Variants in XRCC6 observed in about 807,000 individuals in gnomAD.
The protein encoded by XRCC6 is X-ray repair cross complementing 6.
XRCC6 carries 5 observed loss-of-function variants against 65.7 expected under a neutral mutation model. The observed-to-expected ratio is 0.08, with a 90% CI of 0.04 to 0.16. The LOEUF is 0.16. Ranked by LOEUF, XRCC6 falls within the 10% of genes least tolerant of loss-of-function variation. XRCC6 has a pLI of 1.00. For synonymous variants in XRCC6, 270 were observed against 270.6 expected (o/e 1.00, Z 0.02); for missense variants, 447 against 738.1 (o/e 0.61, Z 4.57).
chr22:41,641,015 G>A (rs1044686726), intron 6 of XRCC6, among the ~76,000 whole-genome samples: 2 of 152,144 alleles, frequency 1.3e-5, no homozygotes, highest in African/African-American at 4.8e-5. Context: ...GGCCGAGGCA[G>A]GAGGATTGCT....
chr22:41,625,082 G>GAA (rs1448133852), intron 2 of XRCC6, among the ~76,000 whole-genome samples: 1 of 152,010 alleles, frequency 6.6e-6, no homozygotes, highest in Admixed American at 6.6e-5. Context: ...AAGGTGGGCA[G>GAA]ATCACCTGAG....
At chr22:41,632,621 G>C (rs2147077272) in intron 3 of XRCC6, among the ~76,000 whole-genome samples, 1 of 151,780 alleles carries the variant, frequency 6.6e-6, no homozygotes, top group Non-Finnish European at 1.5e-5. Context: ...AAGAAAACAA[G>C]AAATAGTTCT....
At chr22:41,621,900 A>G in intron 1 of XRCC6, 90 bp from the exon 2 acceptor site, 1 of 1,302,738 alleles carries the variant, frequency 7.7e-7, no homozygotes. Context: ...CTACTAACCA[A>G]GCTTTTAGAA....
In XRCC6 at chr22:41,662,027, G is replaced by C. The variant is rs374319876; in HGVS notation, c.1636+583G>C. On this transcript the variant is annotated intron_variant, in intron 12 of 12. Coordinates refer to ENST00000360079, the MANE Select transcript of XRCC6 (RefSeq NM_001469.5). The stretch of plus-strand genomic sequence containing the variant: ...GTGGAATCTAAAAATCAAAACAATT[G>C]AACTCATGGAGAGAGAGCATAGAAG... Among the ~76,000 whole-genome samples, 186 of 152,188 alleles carry C rather than the reference G, an allele frequency of 1.2e-3. 1 individual carries two copies. The highest frequency in any genetic ancestry group is 4.2e-3 in the African/African-American group (176 of 41,520).
chr22:41,648,236 CT>C (rs2067956263), intron 7 of XRCC6: 1 of 151,918 alleles, frequency 6.6e-6, no homozygotes, highest in African/African-American at 2.4e-5. Context: ...AGACTTAACT[CT>C]TTGGGACTGT....
chr22:41,645,941 C>T (rs1477346189), intron 6 of XRCC6, among the ~76,000 whole-genome samples: 2 of 151,826 alleles, frequency 1.3e-5, no homozygotes, highest in African/African-American at 2.4e-5. Flanking sequence ...CCTAGGATTA[C>T]AGGCCTAAGC....
At chr22:41,625,229 G>T (rs142063666) in intron 2 of XRCC6, among the ~76,000 whole-genome samples, 25 of 152,244 alleles carry the variant, frequency 1.6e-4, no homozygotes, top group Non-Finnish European at 2.6e-4. Flanking sequence ...GCTTGAACAC[G>T]GGAGGTGGAG....
intron 6 of XRCC6, among the ~76,000 whole-genome samples, chr22:41,641,397 C>T (rs184697735): frequency 1.5e-4 from 23 of 152,206 alleles, no homozygotes; most frequent in Non-Finnish European, 2.5e-4. Context: ...GCATGCAATG[C>T]GTAATAATTA....
chr22:41,628,998 C>T (rs1264733824), intron 3 of XRCC6, among the ~76,000 whole-genome samples: 1 of 148,478 alleles, frequency 6.7e-6, no homozygotes, highest in East Asian at 2.0e-4. Flanking sequence ...AACAATTCTC[C>T]AAAGATATGC....
chr22:41,645,363 C>T (rs763555847), intron 6 of XRCC6, among the ~76,000 whole-genome samples: 4 of 151,564 alleles, frequency 2.6e-5, no homozygotes, highest in Admixed American at 1.3e-4. Flanking sequence ...CTAATTTCAG[C>T]GTATGAGTCA....
At chr22:41,621,661 G>A (rs1371463902) in intron 1 of XRCC6, 3 of 269,400 alleles carry the variant, frequency 1.1e-5, no homozygotes, top group Non-Finnish European at 2.2e-5. Context: ...CGGTATTGAG[G>A]ACGAGGGGGT....
At chr22:41,631,496 C>T (rs1344065544) in intron 3 of XRCC6, among the ~76,000 whole-genome samples, 3 of 148,888 alleles carry the variant, frequency 2.0e-5, no homozygotes, top group South Asian at 2.2e-4. Flanking sequence ...GACGGGGTCA[C>T]GGCTGGGCAG....
intron 12 of XRCC6, among the ~76,000 whole-genome samples, chr22:41,662,623 G>A (rs1450620805): frequency 6.6e-6 from 1 of 152,206 alleles, no homozygotes; most frequent in Admixed American, 6.5e-5. Flanking sequence ...ATATGCTGCA[G>A]TGAACATGCA....
chr22:41,650,624 G>C (rs1303790690), intron 7 of XRCC6, 99 bp from the exon 8 acceptor site: 3 of 1,322,116 alleles, frequency 2.3e-6, no homozygotes, highest in Non-Finnish European at 3.2e-6. Flanking sequence ...CTGCTCCTTA[G>C]AAGAGAGCTG....
At chr22:41,650,978 C>T in intron 8 of XRCC6, 87 bp downstream of exon 8, 1 of 1,510,578 alleles carries the variant, frequency 6.6e-7, no homozygotes, top group Non-Finnish European at 9.1e-7. Context: ...TGCTTGGACA[C>T]TGTACAGGAA....
chr22:41,642,406 CTT>C (rs375385060), intron 6 of XRCC6, among the ~76,000 whole-genome samples: 3 of 152,180 alleles, frequency 2.0e-5, no homozygotes, highest in African/African-American at 7.2e-5. Context: ...GATATTTTCT[CTT>C]CTCTTTGTCG....
chr22:41,654,844 G>A (rs1387481242), intron 9 of XRCC6, among the ~76,000 whole-genome samples: 1 of 152,150 alleles, frequency 6.6e-6, no homozygotes, highest in East Asian at 1.9e-4. Flanking sequence ...CTTTGCTGGG[G>A]CAATACAGGT....
At chr22:41,659,715 A>G (rs1455027427) in intron 11 of XRCC6, among the ~76,000 whole-genome samples, 2 of 151,872 alleles carry the variant, frequency 1.3e-5, no homozygotes, top group African/African-American at 4.8e-5. Context: ...ACAGGTTCTC[A>G]CTCTTGTCAC....
At chr22:41,634,247 A>C (rs1383424044) in intron 3 of XRCC6, among the ~76,000 whole-genome samples, 1 of 148,770 alleles carries the variant, frequency 6.7e-6, no homozygotes, top group African/African-American at 2.5e-5. Flanking sequence ...GTGCAGTGGC[A>C]TGATCTCTGC....
Sources: gnomAD v4.1 joint callset for allele counts (sites outside exome capture counted in the v4.1 genomes callset) on GRCh38, gnomAD v4.1.1 for gene constraint, MANE v1.5 for transcripts, NCBI Gene and HGNC (gene_info 2026-07-23, HGNC 2026-07-21) for gene names.